Variants in USP38 observed in about 807,000 individuals in gnomAD.
USP38 encodes the protein ubiquitin carboxyl-terminal hydrolase 38.
Under a neutral mutation model 94.3 loss-of-function variants are expected in USP38, and 49 were observed. The observed-to-expected ratio is 0.52, with a 90% confidence interval of 0.41 to 0.66. The LOEUF is 0.66. Ranked by LOEUF, USP38 falls within the 30% of genes least tolerant of loss-of-function variation. The pLI, the probability that USP38 is intolerant of heterozygous loss-of-function variation, is 0.00. For missense variants in USP38, 1,128 were observed against 1,229.4 expected (o/e 0.92, Z 1.23); for synonymous variants, 468 against 463.6 (o/e 1.01, Z -0.12).
intron 1 of USP38, 47 bp from the exon 2 acceptor site, chr4:143,187,779 T>C (rs1467930985): frequency 1.3e-6 from 2 of 1,562,666 alleles, no homozygotes; most frequent in Non-Finnish European, 1.7e-6. Context: ...TTTTAAATAC[T>C]TGAACCTACT....
intron 2 of USP38, among the ~76,000 whole-genome samples, chr4:143,193,186 C>T (rs1731447535): frequency 6.6e-6 from 1 of 151,956 alleles, no homozygotes; most frequent in Non-Finnish European, 1.5e-5. Context: ...TTCTTTTAAA[C>T]TAAAATTGTT....
chr4:143,190,246 T>G (rs1238622748), intron 2 of USP38, among the ~76,000 whole-genome samples: 1 of 127,986 alleles, frequency 7.8e-6, no homozygotes, highest in Non-Finnish European at 1.7e-5. Context: ...GTCCATCACT[T>G]TCATTGCATA....
chr4:143,204,086 AT>A (rs1250000369), intron 5 of USP38, among the ~76,000 whole-genome samples: 6 of 151,426 alleles, frequency 4.0e-5, no homozygotes, highest in Non-Finnish European at 8.8e-5. Context: ...GATTCAAGCG[AT>A]TCTTCCGCCT....
intron 7 of USP38, among the ~76,000 whole-genome samples, chr4:143,211,624 C>CA (rs889687473): frequency 6.6e-6 from 1 of 152,124 alleles, no homozygotes; most frequent in African/African-American, 2.4e-5. Context: ...CACAAATAAT[C>CA]AAAATGTCAA....
At chr4:143,196,660 G>C (rs1731558283) in intron 3 of USP38, among the ~76,000 whole-genome samples, 1 of 152,144 alleles carries the variant, frequency 6.6e-6, no homozygotes, top group Non-Finnish European at 1.5e-5. Context: ...CATACTCACA[G>C]CATAGGTGTT....
At chr4:143,218,916 T>G (rs142656371) in intron 9 of USP38, among the ~76,000 whole-genome samples, 107 of 152,246 alleles carry the variant, frequency 7.0e-4, no homozygotes, top group African/African-American at 2.5e-3. Context: ...GGGGGGTTTC[T>G]GTCTGTTTCT....
Position 143,185,052 on chromosome 4 carries a change from A to G in USP38, c.-399A>G. 5.5e-6 allele frequency: 1 copy of G among 182,328 alleles called. No individual in the cohort carries two copies. 11.3% of individuals were successfully genotyped at this position (182,328 alleles called of 1,614,324 possible). A position where few individuals can be genotyped will look rare whatever the true frequency, so the allele number is the denominator to read the frequency against. On this transcript the variant is annotated 5_prime_UTR_variant, in exon 1 of 10. Transcript: ENST00000307017. The stretch of plus-strand genomic sequence containing the variant: ...GACCTGCTGGAGACTGGACGCCCAC[A>G]CCTGACCCGGAACTCGGAGGCGTGC...
At chr4:143,202,723 A>G (rs1039699632) in intron 4 of USP38, among the ~76,000 whole-genome samples, 8 of 152,126 alleles carry the variant, frequency 5.3e-5, no homozygotes, top group Non-Finnish European at 1.2e-4. Flanking sequence ...TATGTTTATG[A>G]GCAATGATCA....
chr4:143,222,061 A>G lies in USP38; in HGVS notation c.*1605A>G, dbSNP rs1424110149. ...ATCCTGTGTGTTCAGTTATCCACTT[A>G]CTTGATAGCAACTTACGACCAGATT... On this transcript the variant is annotated 3_prime_UTR_variant, in exon 10 of 10. Transcript: ENST00000307017. 2.0e-5 allele frequency: 3 copies of G among 152,094 alleles called. No homozygotes were observed. The highest frequency in any genetic ancestry group is 2.0e-4 in the Admixed American group (3 of 15,244). 9.4% of individuals were successfully genotyped at this position (152,094 alleles called of 1,614,324 possible). A position where few individuals can be genotyped will look rare whatever the true frequency, so the allele number is the denominator to read the frequency against.
chr4:143,217,180 T>G (rs989738760), intron 9 of USP38, among the ~76,000 whole-genome samples: 3 of 152,188 alleles, frequency 2.0e-5, no homozygotes, highest in Non-Finnish European at 4.4e-5. Context: ...TTTAATCAGA[T>G]CATTCTGGTA....
In USP38 at chr4:143,213,880, C is replaced by T; in HGVS notation, c.1904C>T (p.Ala635Val). 1 of 1,613,858 alleles carries T rather than the reference C, an allele frequency of 6.2e-7. No individual in the cohort carries two copies. Among genetic ancestry groups the T allele is most frequent in the South Asian group, 1.1e-5 (1 of 91,084 alleles). Reference protein sequence around the residue: ...SLENMSVQDPASSPSIQDGGL... With the variant: ...SLENMSVQDPVSSPSIQDGGL... Reference sequence around the variant, plus strand: ...GAAAACATGTCTGTCCAAGATCCAGCATCATCACCCAGTATACAAGATGGT... The same window carrying T: ...GAAAACATGTCTGTCCAAGATCCAGTATCATCACCCAGTATACAAGATGGT... The change falls in exon 9 of 10, where the codon GCA (alanine) becomes GTA (valine). Residue 635 changes from alanine (A) to valine (V), a missense_variant. By Grantham distance (64) the Ala-to-Val change is moderately conservative (BLOSUM62 0). Transcript: ENST00000307017.
Position 143,220,560 on chromosome 4 carries a change from T to C in USP38, c.*104T>C. 8.6e-7 allele frequency: 1 copy of C among 1,166,264 alleles called. No homozygotes were observed. The highest frequency in any genetic ancestry group is 1.1e-6 in the Non-Finnish European group (1 of 888,214). The allele number at this position is 1,166,264 out of a possible 1,614,324, so 72.2% of individuals were successfully genotyped here. A position where few individuals can be genotyped will look rare whatever the true frequency, so the allele number is the denominator to read the frequency against. ...CTATCTTTTATTTTTCATTAGACCC[T>C]TATACTTCAAGAGAACACACTCAGT... On this transcript the variant is annotated 3_prime_UTR_variant, in exon 10 of 10. Transcript: ENST00000307017.
intron 2 of USP38, among the ~76,000 whole-genome samples, chr4:143,190,447 A>T (rs1477194145): frequency 6.6e-6 from 1 of 152,088 alleles, no homozygotes; most frequent in African/African-American, 2.4e-5. Context: ...CCCAGTTATG[A>T]TATAGTCACC....
chr4:143,189,099 A>G (rs1266885815), intron 2 of USP38, among the ~76,000 whole-genome samples: 1 of 151,998 alleles, frequency 6.6e-6, no homozygotes, highest in Non-Finnish European at 1.5e-5. Flanking sequence ...GTGGTTTGCA[A>G]TTTTAAATAA....
intron 2 of USP38, among the ~76,000 whole-genome samples, chr4:143,194,852 G>C (rs915224095): frequency 1.3e-5 from 2 of 151,594 alleles, no homozygotes; most frequent in Non-Finnish European, 2.9e-5. Context: ...CATTGTGGTA[G>C]AGATCTAACT....
intron 2 of USP38, 57 bp from the exon 3 acceptor site, chr4:143,195,659 C>T (rs922101856): frequency 2.0e-6 from 3 of 1,518,986 alleles, no homozygotes; most frequent in African/African-American, 2.8e-5. Context: ...CTCTTGTTAT[C>T]ACTAACTAAA....
At chr4:143,216,538 T>C (rs1732187110) in intron 9 of USP38, among the ~76,000 whole-genome samples, 1 of 151,680 alleles carries the variant, frequency 6.6e-6, no homozygotes, top group Non-Finnish European at 1.5e-5. Flanking sequence ...AGTGCCGTGA[T>C]CATGGTTTAT....
At chr4:143,210,252 C>T (rs933520212) in intron 7 of USP38, among the ~76,000 whole-genome samples, 4 of 152,096 alleles carry the variant, frequency 2.6e-5, no homozygotes, top group African/African-American at 9.7e-5. Flanking sequence ...ACTCAACAGA[C>T]ATTTATTAAG....
At chr4:143,194,864 T>G (rs1256579703) in intron 2 of USP38, among the ~76,000 whole-genome samples, 1 of 151,894 alleles carries the variant, frequency 6.6e-6, no homozygotes, top group Non-Finnish European at 1.5e-5. Flanking sequence ...GATCTAACTT[T>G]AGGGAGTGTC....
Sources: allele counts gnomAD v4.1 joint callset (sites outside exome capture counted in the v4.1 genomes callset), GRCh38; gene constraint gnomAD v4.1.1; transcripts MANE v1.5; gene names NCBI Gene and HGNC (gene_info 2026-07-23, HGNC 2026-07-21).